Variants in RPRD1B observed in about 807,000 individuals in gnomAD.
RPRD1B encodes regulation of nuclear pre-mRNA domain-containing protein 1B.
A neutral mutation model predicts 41.5 loss-of-function variants in RPRD1B; 11 were observed. That is an observed-to-expected ratio of 0.27 (90% CI 0.17 to 0.44). The LOEUF is 0.44. Ranked by LOEUF, RPRD1B falls within the 20% of genes least tolerant of loss-of-function variation. The pLI, the probability that RPRD1B is intolerant of heterozygous loss-of-function variation, is 1.00. For missense variants in RPRD1B, 248 were observed against 389.9 expected (o/e 0.64, Z 3.06); for synonymous variants, 158 against 155.6 (o/e 1.02, Z -0.12).
In RPRD1B at chr20:38,034,235, A is replaced by T. The variant is rs990484306; in HGVS notation, c.151+137A>T. 4.0e-6 allele frequency: 4 copies of T among 1,001,674 alleles called. No homozygotes were observed. The African/African-American group carries it at 6.6e-5, about 16-fold the overall frequency. 62.0% of individuals were successfully genotyped at this position (1,001,674 alleles called of 1,614,324 possible). On this transcript the variant is annotated intron_variant, in intron 1 of 6. Transcript: ENST00000373433. ...AGCTTCTGAGATGGGAGACAAAGTT[A>T]GCCCCATTTCTCGAAGAAGGAAACT... is the stretch of plus-strand genomic sequence containing the variant.
At chr20:38,048,283 G>A in intron 2 of RPRD1B, 65 bp from the exon 3 acceptor site, 1 of 1,465,268 alleles carries the variant, frequency 6.8e-7, no homozygotes, top group Non-Finnish European at 9.3e-7. Context: ...TTTTTAAGTA[G>A]GTCTGTCCTA....
At chr20:38,064,364 T>G (rs2074331144) in intron 5 of RPRD1B, among the ~76,000 whole-genome samples, 1 of 152,184 alleles carries the variant, frequency 6.6e-6, no homozygotes, top group Non-Finnish European at 1.5e-5. Flanking sequence ...CCAGAGATAC[T>G]GTGTTGGGGA....
At chr20:38,076,544 A>G (rs992187108) in intron 6 of RPRD1B, among the ~76,000 whole-genome samples, 1 of 152,154 alleles carries the variant, frequency 6.6e-6, no homozygotes, top group Admixed American at 6.5e-5. Context: ...CCCTCCCTTT[A>G]TAACTACCAC....
intron 1 of RPRD1B, among the ~76,000 whole-genome samples, chr20:38,038,387 G>A (rs1464796923): frequency 6.7e-6 from 1 of 149,834 alleles, no homozygotes; most frequent in Non-Finnish European, 1.5e-5. Context: ...TCGGCTCACT[G>A]CAACCTCCGC....
intron 3 of RPRD1B, chr20:38,048,686 C>A: frequency 1.3e-6 from 1 of 741,148 alleles, no homozygotes; most frequent in Non-Finnish European, 1.6e-6. Context: ...CATCCTCTCA[C>A]ACCCTGACTT....
At chr20:38,062,944 C>G (rs531866313) in intron 5 of RPRD1B, among the ~76,000 whole-genome samples, 82 of 150,856 alleles carry the variant, frequency 5.4e-4, no homozygotes, top group African/African-American at 1.9e-3. Context: ...AAGCAATCCT[C>G]CCATCCTGGC....
chr20:38,068,008 G>T (rs1487511417), intron 6 of RPRD1B, among the ~76,000 whole-genome samples: 2 of 152,216 alleles, frequency 1.3e-5, no homozygotes, highest in African/African-American at 4.8e-5. Flanking sequence ...CGGGTTGGTA[G>T]AGCTGGTTAA....
intron 3 of RPRD1B, chr20:38,049,712 T>G (rs1034422451): frequency 2.1e-6 from 1 of 471,032 alleles, no homozygotes; most frequent in Non-Finnish European, 4.4e-6. Context: ...TTTAGTTACT[T>G]GGCTTCTGGT....
Position 38,091,974 on chromosome 20 carries a change from G to A in RPRD1B, c.*2099G>A, listed in dbSNP as rs2074615496. 4 of 985,700 alleles carry A rather than the reference G, an allele frequency of 4.1e-6. No individual in the cohort carries two copies. Among genetic ancestry groups the A allele is most frequent in the Admixed American group, 6.1e-5 (1 of 16,274 alleles). 61.1% of individuals were successfully genotyped at this position (985,700 alleles called of 1,614,324 possible). On this transcript the variant is annotated 3_prime_UTR_variant, in exon 7 of 7. Coordinates refer to ENST00000373433, the MANE Select transcript of RPRD1B (RefSeq NM_021215.4). ...TGTGAGGAAGTTAGTTTTTTGTTTT[G>A]ATGAAATGCTTTCGTTTTTTAAATC... is the stretch of plus-strand genomic sequence containing the variant.
chr20:38,059,081 A>C (rs1331918888), intron 4 of RPRD1B, among the ~76,000 whole-genome samples: 1 of 152,234 alleles, frequency 6.6e-6, no homozygotes, highest in Admixed American at 6.5e-5. Flanking sequence ...ACATCATTTG[A>C]AATTAAGCAA....
In RPRD1B at chr20:38,066,268, G is replaced by A; in HGVS notation, c.831+12G>A. ...AGAAAAAACTAGAGGTGAGTGCATTGAAGGCAGACCCAGACTGCCCACGTT... is the reference window on the plus strand; with the variant it reads ...AGAAAAAACTAGAGGTGAGTGCATTAAAGGCAGACCCAGACTGCCCACGTT... On this transcript the variant is annotated intron_variant, in intron 6 of 6. Coordinates refer to ENST00000373433, the MANE Select transcript of RPRD1B (RefSeq NM_021215.4). The A allele has an allele frequency of 6.2e-7, 1 of 1,613,300 alleles. No homozygotes were observed. Among genetic ancestry groups the A allele is most frequent in the Non-Finnish European group, 8.5e-7 (1 of 1,179,392 alleles).
At chr20:38,041,401 A>G (rs2074064669) in intron 2 of RPRD1B, among the ~76,000 whole-genome samples, 1 of 152,338 alleles carries the variant, frequency 6.6e-6, no homozygotes, top group Admixed American at 6.5e-5. Flanking sequence ...TCCTGCTTTC[A>G]TTGCAGGATT....
intron 1 of RPRD1B, among the ~76,000 whole-genome samples, chr20:38,035,670 T>C (rs1187829697): frequency 1.3e-5 from 2 of 152,192 alleles, no homozygotes; most frequent in Non-Finnish European, 2.9e-5. Context: ...CAGAAATTAT[T>C]TGAAGAGTGT....
chr20:38,087,914 A>G (rs892434979), intron 6 of RPRD1B, among the ~76,000 whole-genome samples: 5 of 152,202 alleles, frequency 3.3e-5, no homozygotes, highest in Non-Finnish European at 5.9e-5. Flanking sequence ...TTTGCTGGAC[A>G]CTGCGGAGCC....
In RPRD1B at chr20:38,091,687, C is replaced by T. The variant is rs1010799216; in HGVS notation, c.*1812C>T. On this transcript the variant is annotated 3_prime_UTR_variant, in exon 7 of 7. Transcript: ENST00000373433. ...AGATGAGCGTGTTTTGGAGCAGGCC[C>T]ATCTGGGACACTCTATGCTTTCACC... is the stretch of plus-strand genomic sequence containing the variant. 3.0e-6 allele frequency: 3 copies of T among 985,476 alleles called. No individual in the cohort carries two copies. Among genetic ancestry groups the T allele is most frequent in the African/African-American group, 3.5e-5 (2 of 57,190 alleles). The allele number at this position is 985,476 out of a possible 1,614,324, so 61.0% of individuals were successfully genotyped here.
rs2074610570 is a variant in RPRD1B at position 38,091,398 on chromosome 20, C to A, written c.*1523C>A. On this transcript the variant is annotated 3_prime_UTR_variant, in exon 7 of 7. Transcript: ENST00000373433. ...TCTCCTGCTTGTCATGAAGTGAGAA[C>A]AATGAAAAGTCATAGCAGATACTCA... 1.0e-6 allele frequency: 1 copy of A among 985,270 alleles called. No individual in the cohort carries two copies. Among genetic ancestry groups the A allele is most frequent in the Non-Finnish European group, 1.2e-6 (1 of 829,848 alleles). 61.0% of individuals were successfully genotyped at this position (985,270 alleles called of 1,614,324 possible). A position where few individuals can be genotyped will look rare whatever the true frequency, so the allele number is the denominator to read the frequency against.
At chr20:38,061,417 C>G (rs933042630) in intron 5 of RPRD1B, among the ~76,000 whole-genome samples, 1 of 152,120 alleles carries the variant, frequency 6.6e-6, no homozygotes, top group Admixed American at 6.5e-5. Context: ...CCTCCTATTT[C>G]TCTACATGGA....
intron 6 of RPRD1B, among the ~76,000 whole-genome samples, chr20:38,072,205 A>T (rs774418401): frequency 1.3e-5 from 2 of 152,098 alleles, no homozygotes; most frequent in Non-Finnish European, 2.9e-5. Flanking sequence ...GGTGTGATGT[A>T]GGGGGGGACC....
chr20:38,039,933 C>A (rs1452347886), intron 1 of RPRD1B, among the ~76,000 whole-genome samples: 1 of 151,914 alleles, frequency 6.6e-6, no homozygotes, highest in Admixed American at 6.6e-5. Flanking sequence ...AGGGTTTCAC[C>A]ATGTTGGCCA....
Sources: allele counts gnomAD v4.1 joint callset (sites outside exome capture counted in the v4.1 genomes callset), GRCh38; gene constraint gnomAD v4.1.1; transcripts MANE v1.5; gene names NCBI Gene and HGNC (gene_info 2026-07-23, HGNC 2026-07-21).